Variants in PPP1R37 observed in about 807,000 individuals in gnomAD.
PPP1R37 encodes the protein leucine rich repeat containing 68.
A neutral mutation model predicts 61.0 loss-of-function variants in PPP1R37; 21 were observed. The observed-to-expected ratio is 0.34, with a 90% confidence interval of 0.24 to 0.50. PPP1R37 has a LOEUF of 0.50. Among genes scored for constraint, PPP1R37 ranks in the 20% least tolerant of loss-of-function variants. PPP1R37 has a pLI of 0.98. For missense variants in PPP1R37, 910 were observed against 952.7 expected, an observed-to-expected ratio of 0.96 and a Z score of 0.59; for synonymous variants, 443 against 433.5, an observed-to-expected ratio of 1.02 and a Z score of -0.27.
At chr19:45,139,362 C>T (rs937863929) in intron 2 of PPP1R37, among the ~76,000 whole-genome samples, 8 of 152,276 alleles carry the variant, frequency 5.3e-5, no homozygotes, top group African/African-American at 1.9e-4. Context: ...GGCCACTCGG[C>T]ATTTCCTGGC....
rs1161495679 is a variant in PPP1R37, at chr19:45,144,901, C to T, written c.1035C>T (p.Ile345=). The T allele has an allele frequency of 3.3e-6, 5 of 1,535,528 alleles. No individual in the cohort carries two copies. Among genetic ancestry groups the T allele is most frequent in the Non-Finnish European group, 4.4e-6 (5 of 1,146,680 alleles). Residue 345 remains isoleucine (I), a synonymous_variant, in exon 9 of 13, where the codon ATC becomes ATT. Transcript: ENST00000221462. The part of the protein sequence containing the change: ...LETLNLGHNP[I]GNEGVRHLKN... The stretch of plus-strand genomic sequence containing the variant: ...CGCTGAACCTGGGCCACAACCCCAT[C>T]GGGAACGAGGGTGTGCGGCACCTCA...
In PPP1R37 at chr19:45,144,948, G is replaced by T. The variant is rs1480978315; in HGVS notation, c.1082G>T (p.Arg361Leu). The change falls in exon 9 of 13, where the codon CGC (arginine) becomes CTC (leucine). Residue 361 changes from arginine to leucine, a missense_variant. Arg to Leu is a moderately radical substitution (Grantham distance 102). Coordinates refer to ENST00000221462, the MANE Select transcript of PPP1R37 (RefSeq NM_019121.2). Reference protein sequence around the residue: ...RHLKNGLISNRSVLRLGLAST... With the variant: ...RHLKNGLISNLSVLRLGLAST... The stretch of plus-strand genomic sequence containing the variant: ...CTCAAGAACGGGCTCATCAGCAACC[G>T]CAGCGTGCTGCGCCTCGGGCTGGCC... The T allele has an allele frequency of 6.5e-7, 1 of 1,535,670 alleles. No homozygotes were observed. Among genetic ancestry groups the T allele is most frequent in the Admixed American group, 2.0e-5 (1 of 50,964 alleles).
rs547785764 is a variant in PPP1R37, at chr19:45,146,473, C to T, written c.*1C>T. 1 of 1,535,128 alleles carries T rather than the reference C, an allele frequency of 6.5e-7. No homozygotes were observed. The highest frequency in any genetic ancestry group is 2.4e-5 in the East Asian group (1 of 40,872). ...GGAATCCGGGCAGGAGACACTGTGA[C>T]ACTTTAGGTGAGGCCAGGCCCGGGG... is the stretch of plus-strand genomic sequence containing the variant. On this transcript the variant is annotated 3_prime_UTR_variant, in exon 12 of 13. Coordinates refer to ENST00000221462, the MANE Select transcript of PPP1R37 (RefSeq NM_019121.2).
rs868710981 is a variant in PPP1R37, at chr19:45,145,832, C to T, written c.1776C>T (p.Pro592=). The change falls in exon 11 of 13, where the codon CCC becomes CCT. Residue 592 remains proline (P), a synonymous_variant. Coordinates refer to ENST00000221462, the MANE Select transcript of PPP1R37 (RefSeq NM_019121.2). ...CTGCGTCCCCCACCCCTCCCTCTCC[C>T]CCACCCCCTCCCTCCCCACCCGCCT... The part of the protein sequence containing the change: ...EPPASPTPPS[P]PPPPSPPASP... The T allele has an allele frequency of 2.5e-5, 28 of 1,118,946 alleles. No homozygotes were observed. The highest frequency in any genetic ancestry group is 1.3e-4 in the Admixed American group (5 of 39,438). The allele number at this position is 1,118,946 out of a possible 1,614,324, so 69.3% of individuals were successfully genotyped here. A position where few individuals can be genotyped will look rare whatever the true frequency, so the allele number is the denominator to read the frequency against.
At chr19:45,139,295 C>T (rs1236363434) in intron 2 of PPP1R37, among the ~76,000 whole-genome samples, 3 of 152,264 alleles carry the variant, frequency 2.0e-5, no homozygotes, top group Admixed American at 2.0e-4. Context: ...ATCTGAAAAG[C>T]CAAATCCACC....
At chr19:45,117,941 G>A (rs1046054275) in intron 1 of PPP1R37, among the ~76,000 whole-genome samples, 2 of 152,256 alleles carry the variant, frequency 1.3e-5, no homozygotes, top group African/African-American at 2.4e-5. Flanking sequence ...CAGCCCCCGC[G>A]TGATCCGCGT....
chr19:45,106,346 A>G (rs1968130437), intron 1 of PPP1R37, among the ~76,000 whole-genome samples: 1 of 151,930 alleles, frequency 6.6e-6, no homozygotes, highest in Non-Finnish European at 1.5e-5. Context: ...AGTTTAAGCG[A>G]TTCTCCTGCC....
chr19:45,105,439 C>T (rs1027592436), intron 1 of PPP1R37, among the ~76,000 whole-genome samples: 2 of 152,056 alleles, frequency 1.3e-5, no homozygotes, highest in Non-Finnish European at 2.9e-5. Flanking sequence ...CCCATCTCTC[C>T]ATGTAGGACA....
intron 1 of PPP1R37, among the ~76,000 whole-genome samples, chr19:45,116,988 A>G (rs1158132104): frequency 2.0e-5 from 3 of 146,850 alleles, no homozygotes; most frequent in Admixed American, 7.0e-5. Flanking sequence ...ATCTTGGCTC[A>G]CTGCAGCCTC....
chr19:45,124,807 G>GAAA (rs35150714), intron 1 of PPP1R37, among the ~76,000 whole-genome samples: 31 of 142,536 alleles, frequency 2.2e-4, no homozygotes, highest in Admixed American at 4.9e-4. Flanking sequence ...CATAAAAAAA[G>GAAA]AAAAAAAAAA....
chr19:45,109,971 T>G (rs1341232642), intron 1 of PPP1R37, among the ~76,000 whole-genome samples: 1 of 152,230 alleles, frequency 6.6e-6, no homozygotes, highest in African/African-American at 2.4e-5. Flanking sequence ...TGTTGGCTTA[T>G]GGCCTCCTGT....
rs910759006 is a variant in PPP1R37, at chr19:45,121,820, C to G, written c.203-16694C>G. On this transcript the variant is annotated intron_variant, in intron 1 of 12. Transcript: ENST00000221462. This position sits in a 1 kb window ranked among gnomAD's most constrained non-coding sequence, Gnocchi z 4.2. The stretch of plus-strand genomic sequence containing the variant: ...TGGGGCCCCTTTCAGTAAAGATACT[C>G]CCCTGAGAAATACCTGCCCTTGGGA... Among the ~76,000 whole-genome samples, 1 of 152,204 alleles carries G rather than the reference C, an allele frequency of 6.6e-6. No homozygotes were observed. The highest frequency in any genetic ancestry group is 2.4e-5 in the African/African-American group (1 of 41,446).
Position 45,138,630 on chromosome 19 carries a change from G to T in PPP1R37, c.300+19G>T. 1.4e-6 allele frequency: 2 copies of T among 1,435,306 alleles called. No homozygotes were observed. The highest frequency in any genetic ancestry group is 2.4e-5 in the South Asian group (2 of 81,978). 88.9% of individuals were successfully genotyped at this position (1,435,306 alleles called of 1,614,324 possible). A position where few individuals can be genotyped will look rare whatever the true frequency, so the allele number is the denominator to read the frequency against. On this transcript the variant is annotated intron_variant, in intron 2 of 12. Transcript: ENST00000221462. ...GCTGCAGGTATGGGCGGGACAGGGT[G>T]GGTGCGTCCGGTGTGGGTGTCAAGG...
intron 1 of PPP1R37, among the ~76,000 whole-genome samples, chr19:45,110,335 TA>T (rs1798963054): frequency 6.6e-6 from 1 of 152,002 alleles, no homozygotes; most frequent in African/African-American, 2.4e-5. Flanking sequence ...AGGCTAGTCT[TA>T]AATTCCTGGG....
chr19:45,128,972 C>T, intron 1 of PPP1R37: 1 of 805,864 alleles, frequency 1.2e-6, no homozygotes, highest in Non-Finnish European at 2.1e-6. Flanking sequence ...GGACCCTGAT[C>T]ACCGTGCTGT....
chr19:45,099,308 A>G (rs939782333), intron 1 of PPP1R37, among the ~76,000 whole-genome samples: 4 of 152,156 alleles, frequency 2.6e-5, no homozygotes, highest in African/African-American at 9.7e-5. Context: ...ACCGTGGACA[A>G]TTTGTCCAAT....
rs1013649953 is a variant in PPP1R37, at chr19:45,140,440, A to AG, written c.347-63dup. 2.3e-5 allele frequency: 31 copies of AG among 1,376,424 alleles called. No individual in the cohort carries two copies. The African/African-American group carries it at 4.3e-4, about 19-fold the overall frequency. 85.3% of individuals were successfully genotyped at this position (1,376,424 alleles called of 1,614,324 possible). A position where few individuals can be genotyped will look rare whatever the true frequency, so the allele number is the denominator to read the frequency against. ...GTGGGGGGTGGGAGGTTGGGGGCAGAGGGCCCTTCCAGCCATGCAAAGGTG... is the reference window on the plus strand; with the variant it reads ...GTGGGGGGTGGGAGGTTGGGGGCAGAGGGGCCCTTCCAGCCATGCAAAGGTG... On this transcript the variant is annotated intron_variant, in intron 3 of 12. Coordinates refer to ENST00000221462, the MANE Select transcript of PPP1R37 (RefSeq NM_019121.2).
intron 1 of PPP1R37, among the ~76,000 whole-genome samples, chr19:45,129,497 C>T (rs1351611905): frequency 1.3e-5 from 2 of 152,282 alleles, no homozygotes; most frequent in East Asian, 3.9e-4. Context: ...CAGGGTTTCA[C>T]TATGTTGGCC....
intron 1 of PPP1R37, among the ~76,000 whole-genome samples, chr19:45,132,726 G>A (rs1968493787): frequency 6.6e-6 from 1 of 151,714 alleles, no homozygotes; most frequent in South Asian, 2.1e-4. Context: ...GCACCACCAT[G>A]CCCAACTGAT....
Sources: allele counts gnomAD v4.1 joint callset (sites outside exome capture counted in the v4.1 genomes callset), GRCh38; gene constraint gnomAD v4.1.1; non-coding constraint Gnocchi (gnomAD v3.1); transcripts MANE v1.5; gene names NCBI Gene and HGNC (gene_info 2026-07-23, HGNC 2026-07-21).